The following CPA6 variants were observed in gnomAD, a reference collection of about 807,000 sequenced individuals.
CPA6 encodes the protein carboxypeptidase B.
CPA6 carries 58 observed loss-of-function variants against 63.3 expected under a neutral mutation model. The ratio of observed to expected loss-of-function variants is 0.92; its 90% CI spans 0.74 to 1.14. The LOEUF (loss-of-function observed/expected upper bound fraction) is 1.14, where lower values mean the gene tolerates loss of function less well. CPA6 is among the 50% of genes most tolerant of loss of function. The pLI, the probability that CPA6 is intolerant of heterozygous loss-of-function variation, is 0.00. For missense variants in CPA6, 565 were observed against 526.6 expected (o/e 1.07, Z -0.71); for synonymous variants, 185 against 179.0 (o/e 1.03, Z -0.27).
At chr8:67,459,946 A>C (rs931929140) in intron 8 of CPA6, among the ~76,000 whole-genome samples, 4 of 152,210 alleles carry the variant, frequency 2.6e-5, no homozygotes, top group African/African-American at 9.7e-5. Flanking sequence ...AGGTACATGG[A>C]AAATCTCCAT....
intron 8 of CPA6, among the ~76,000 whole-genome samples, chr8:67,454,388 A>T (rs925051109): frequency 6.6e-6 from 1 of 152,184 alleles, no homozygotes; most frequent in Non-Finnish European, 1.5e-5. Flanking sequence ...GGCCTTAGTT[A>T]TGTAGATTCT....
At chr8:67,607,251 T>TCTTCTTCTCCTC (rs1554679725) in intron 2 of CPA6, among the ~76,000 whole-genome samples, 2 of 81,084 alleles carry the variant, frequency 2.5e-5, no homozygotes, top group Non-Finnish European at 4.6e-5. Flanking sequence ...TTCTTCTTCT[T>TCTTCTTCTCCTC]CTCCTCCTCC....
chr8:67,510,195 C>T (rs375112612), intron 4 of CPA6, among the ~76,000 whole-genome samples: 7 of 152,246 alleles, frequency 4.6e-5, no homozygotes, highest in African/African-American at 1.7e-4. Context: ...TTCATATACA[C>T]TTATCTGTCA....
chr8:67,566,722 T>C (rs1813345516), intron 2 of CPA6, among the ~76,000 whole-genome samples: 1 of 152,214 alleles, frequency 6.6e-6, no homozygotes, highest in African/African-American at 2.4e-5. Flanking sequence ...CCTAGATCAG[T>C]ATGCCAGTTC....
At chr8:67,525,764 C>T (rs982737954) in intron 2 of CPA6, among the ~76,000 whole-genome samples, 13 of 152,124 alleles carry the variant, frequency 8.5e-5, no homozygotes, top group Non-Finnish European at 1.6e-4. Context: ...TTAAATGAAA[C>T]ATCTCAAACA....
intron 1 of CPA6, among the ~76,000 whole-genome samples, chr8:67,714,192 T>C (rs1345906142): frequency 1.3e-5 from 2 of 152,200 alleles, no homozygotes; most frequent in Non-Finnish European, 2.9e-5. Context: ...TATACATTAC[T>C]TCTTCACCGC....
intron 2 of CPA6, among the ~76,000 whole-genome samples, chr8:67,610,243 G>A (rs1476046337): frequency 6.6e-6 from 1 of 152,106 alleles, no homozygotes; most frequent in African/African-American, 2.4e-5. Context: ...TCTGGGCATA[G>A]TGGTATGCCC....
chr8:67,655,098 T>C (rs889568029), intron 1 of CPA6, among the ~76,000 whole-genome samples: 3 of 152,140 alleles, frequency 2.0e-5, no homozygotes, highest in Non-Finnish European at 4.4e-5. Context: ...ACATGTAAAA[T>C]GGTCTGGAGT....
intron 1 of CPA6, among the ~76,000 whole-genome samples, chr8:67,661,719 C>T (rs1473594472): frequency 6.6e-6 from 1 of 152,162 alleles, no homozygotes; most frequent in Non-Finnish European, 1.5e-5. Context: ...AATGAGAAAT[C>T]TTAAACAGAG....
intron 8 of CPA6, among the ~76,000 whole-genome samples, chr8:67,481,095 A>G (rs1178211101): frequency 6.6e-5 from 10 of 152,206 alleles, no homozygotes; most frequent in Admixed American, 6.5e-4. Context: ...AAATTGTTTT[A>G]TGTTCCATAG....
intron 2 of CPA6, among the ~76,000 whole-genome samples, chr8:67,527,129 A>G (rs2128968231): frequency 6.6e-6 from 1 of 152,186 alleles, no homozygotes; most frequent in Middle Eastern, 3.4e-3. Flanking sequence ...AGTAATAGAG[A>G]TTTTCCTCTA....
chr8:67,654,019 G>C (rs1188690028), intron 1 of CPA6, among the ~76,000 whole-genome samples: 2 of 151,850 alleles, frequency 1.3e-5, no homozygotes, highest in African/African-American at 4.8e-5. Context: ...TTTGTCTTTG[G>C]TTCTGTTTAT....
At chr8:67,709,882 A>T (rs1020261293) in intron 1 of CPA6, among the ~76,000 whole-genome samples, 1 of 152,096 alleles carries the variant, frequency 6.6e-6, no homozygotes, top group East Asian at 1.9e-4. Context: ...AGGCTGAGGC[A>T]GGTGGATTAC....
At chr8:67,552,970 A>G (rs926414985) in intron 2 of CPA6, among the ~76,000 whole-genome samples, 1 of 152,112 alleles carries the variant, frequency 6.6e-6, no homozygotes, top group Non-Finnish European at 1.5e-5. Flanking sequence ...ATAATTTATG[A>G]AGCTGTGAAA....
intron 10 of CPA6, among the ~76,000 whole-genome samples, chr8:67,426,924 C>A (rs1168153184): frequency 6.6e-6 from 1 of 152,182 alleles, no homozygotes; most frequent in African/African-American, 2.4e-5. Flanking sequence ...GGTTGACAGA[C>A]CTGGCAGAAT....
intron 3 of CPA6, among the ~76,000 whole-genome samples, 190 bp from the exon 4 acceptor site, chr8:67,511,845 T>C (rs956612593): frequency 6.6e-6 from 1 of 152,144 alleles, no homozygotes; most frequent in Non-Finnish European, 1.5e-5. Flanking sequence ...TATAATGAAT[T>C]TAACATGTAA....
chr8:67,560,846 C>T (rs1813192839), intron 2 of CPA6, among the ~76,000 whole-genome samples: 1 of 152,120 alleles, frequency 6.6e-6, no homozygotes, highest in Admixed American at 6.6e-5. Flanking sequence ...CTGCTTAGCC[C>T]CATCCCTATT....
chr8:67,729,310 T>G (rs1309355149), intron 1 of CPA6, among the ~76,000 whole-genome samples: 1 of 152,234 alleles, frequency 6.6e-6, no homozygotes, highest in African/African-American at 2.4e-5. Context: ...CTGCTCGTAT[T>G]TTTATAGCAT....
chr8:67,724,136 T>C (rs2129002132), intron 1 of CPA6, among the ~76,000 whole-genome samples: 1 of 152,310 alleles, frequency 6.6e-6, no homozygotes, highest in African/African-American at 2.4e-5. Context: ...TTTCCCTCTC[T>C]GACACACTAC....
Sources: gnomAD v4.1 joint callset for allele counts (sites outside exome capture counted in the v4.1 genomes callset) on GRCh38, gnomAD v4.1.1 for gene constraint, MANE v1.5 for transcripts, NCBI Gene and HGNC (gene_info 2026-07-23, HGNC 2026-07-21) for gene names.